The following UPF2 variants were observed in gnomAD, a reference collection of about 807,000 sequenced individuals.
The protein encoded by UPF2 is UPF2 regulator of nonsense mediated mRNA decay.
A neutral mutation model predicts 141.4 loss-of-function variants in UPF2; 17 were observed. The observed-to-expected ratio is 0.12, with a 90% CI of 0.08 to 0.18. UPF2 has a LOEUF of 0.18. Ranked by LOEUF, UPF2 falls within the 10% of genes least tolerant of loss-of-function variation. The probability of loss-of-function intolerance (pLI) is 1.00; values close to 1 mark genes in which losing one functional copy is unlikely to be tolerated. For missense variants in UPF2, 1,152 were observed against 1,515.9 expected (o/e 0.76, Z 3.99); for synonymous variants, 540 against 498.0 (o/e 1.08, Z -1.12).
chr10:11,967,549 T>A, intron 9 of UPF2, 95 bp from the exon 10 acceptor site: 1 of 538,728 alleles, frequency 1.9e-6, no homozygotes, highest in Non-Finnish European at 2.9e-6. Context: ...CACTCCAGTT[T>A]TTTTTTTTTT....
rs906048268 is a variant in UPF2 at position 11,920,976 on chromosome 10, C to G, written c.*322G>C. The G allele has an allele frequency of 1.7e-6, 1 of 599,778 alleles. No homozygotes were observed. The highest frequency in any genetic ancestry group is 1.8e-5 in the African/African-American group (1 of 54,458). The allele number at this position is 599,778 out of a possible 1,614,324, so 37.2% of individuals were successfully genotyped here. A position where few individuals can be genotyped will look rare whatever the true frequency, so the allele number is the denominator to read the frequency against. On this transcript the variant is annotated 3_prime_UTR_variant, in exon 22 of 22. Coordinates refer to ENST00000357604, the MANE Select transcript of UPF2 (RefSeq NM_015542.4). Reference sequence around the variant, plus strand: ...CGTTTCTTCTCTGGCTCAATCATCTCCTTCACGCTCTCCTTGGTGTAACTG... The same window carrying G: ...CGTTTCTTCTCTGGCTCAATCATCTGCTTCACGCTCTCCTTGGTGTAACTG...
chr10:11,981,686 C>CTTTTT (rs35831597), intron 8 of UPF2, among the ~76,000 whole-genome samples: 2 of 151,466 alleles, frequency 1.3e-5, no homozygotes. Flanking sequence ...GTAAGGTACT[C>CTTTTT]TTTTTTTTTT....
intron 3 of UPF2, among the ~76,000 whole-genome samples, chr10:12,021,603 T>C (rs528121340): frequency 3.3e-5 from 5 of 152,098 alleles, no homozygotes; most frequent in African/African-American, 4.8e-5. Context: ...AAGCCTAACA[T>C]AGGAAAGGCA....
rs1050706885 is a variant in UPF2, at chr10:11,980,269, C to T, written c.1845-1104G>A. ...GATTAATCAATGATTCAACACTCAGCAGATCAGACTCTGAAGATGAGAAGT... is the reference window on the plus strand; with the variant it reads ...GATTAATCAATGATTCAACACTCAGTAGATCAGACTCTGAAGATGAGAAGT... On this transcript the variant is annotated intron_variant, in intron 8 of 21. Coordinates refer to ENST00000357604, the MANE Select transcript of UPF2 (RefSeq NM_015542.4). This position sits in a 1 kb window ranked among gnomAD's most constrained non-coding sequence, Gnocchi z 4.2. Among the ~76,000 whole-genome samples, 1 of 152,184 alleles carries T rather than the reference C, an allele frequency of 6.6e-6. No homozygotes were observed. Among genetic ancestry groups the T allele is most frequent in the Non-Finnish European group, 1.5e-5 (1 of 68,038 alleles).
At position 11,925,205 on chromosome 10, in the gene UPF2, T is replaced by C. The variant is rs186828126; in HGVS notation, c.3810-3898A>G. Among the ~76,000 whole-genome samples, 53 of 152,352 alleles carry C rather than the reference T, an allele frequency of 3.5e-4. 1 individual carries two copies. In the East Asian group the frequency reaches 5.8e-3, roughly 17 times the overall value. On this transcript the variant is annotated intron_variant, in intron 21 of 21. Coordinates refer to ENST00000357604, the MANE Select transcript of UPF2 (RefSeq NM_015542.4). ...TTTCCATGTTTGTTCATCTACCATG[T>C]TTATCGCACCTATACTTTAGGAGCA...
chr10:12,029,665 T>G (rs1834481359), intron 2 of UPF2, 141 bp from the exon 3 acceptor site: 1 of 984,560 alleles, frequency 1.0e-6, no homozygotes, highest in Non-Finnish European at 1.4e-6. Context: ...TCACTACTTT[T>G]AAAGACATTT....
chr10:11,932,428 G>A (rs956747339), intron 19 of UPF2, among the ~76,000 whole-genome samples: 16 of 152,008 alleles, frequency 1.1e-4, no homozygotes, highest in Admixed American at 2.0e-4. Context: ...TCTTATTCAC[G>A]TATAAGATTA....
chr10:11,950,964 C>T (rs11257443), intron 15 of UPF2, among the ~76,000 whole-genome samples: 9,347 of 152,184 alleles, frequency 0.061, 379 homozygotes, highest in Non-Finnish European at 0.092. Context: ...GCATAACTGG[C>T]GAAAGTAAAG....
intron 3 of UPF2, among the ~76,000 whole-genome samples, chr10:12,025,805 T>C (rs1834409648): frequency 6.6e-6 from 1 of 152,174 alleles, no homozygotes; most frequent in Admixed American, 6.5e-5. Flanking sequence ...CTATTCAGTT[T>C]TTGTTTCGAG....
Position 11,947,481 on chromosome 10 carries a change from G to A in UPF2, c.3174+888C>T, listed in dbSNP as rs527894030. ...GACTAAAAAGTCCATATTCAACAGCGAGATTAAGATACACAAGAAGTGGGG... is the reference window on the plus strand; with the variant it reads ...GACTAAAAAGTCCATATTCAACAGCAAGATTAAGATACACAAGAAGTGGGG... On this transcript the variant is annotated intron_variant, in intron 16 of 21. Transcript: ENST00000357604. Among the ~76,000 whole-genome samples, 412 of 152,146 alleles carry A rather than the reference G, an allele frequency of 2.7e-3. 4 individuals carry two copies. The highest frequency in any genetic ancestry group is 9.5e-3 in the African/African-American group (394 of 41,514).
intron 4 of UPF2, among the ~76,000 whole-genome samples, chr10:12,012,494 G>A (rs1467111503): frequency 6.6e-6 from 1 of 152,168 alleles, no homozygotes; most frequent in Non-Finnish European, 1.5e-5. Flanking sequence ...CATTTAAAAA[G>A]TTTGGCCAGG....
chr10:11,967,516 T>A, intron 9 of UPF2, 62 bp from the exon 10 acceptor site: 1 of 973,848 alleles, frequency 1.0e-6, no homozygotes, highest in Non-Finnish European at 1.5e-6. Context: ...TGATAAAAAC[T>A]ATTATTTTAA....
At chr10:12,020,230 T>C (rs1834293200) in intron 3 of UPF2, among the ~76,000 whole-genome samples, 1 of 151,868 alleles carries the variant, frequency 6.6e-6, no homozygotes, top group Non-Finnish European at 1.5e-5. Flanking sequence ...TGCTTTGTAT[T>C]ATCCTAAAAA....
chr10:11,956,583 A>C lies in UPF2; in HGVS notation c.2371-60T>G. ...TAAGTACACAGTAGCCTGACCAAAT[A>C]ATACAGAAATTTTGCTATGATTGCG... On this transcript the variant is annotated intron_variant, in intron 12 of 21. Coordinates refer to ENST00000357604, the MANE Select transcript of UPF2 (RefSeq NM_015542.4). This position sits in a 1 kb window ranked among gnomAD's most constrained non-coding sequence, Gnocchi z 4.2. 6.6e-7 allele frequency: 1 copy of C among 1,510,770 alleles called. No individual in the cohort carries two copies. The highest frequency in any genetic ancestry group is 1.2e-5 in the South Asian group (1 of 83,256). 93.6% of individuals were successfully genotyped at this position (1,510,770 alleles called of 1,614,324 possible).
intron 3 of UPF2, among the ~76,000 whole-genome samples, chr10:12,022,948 A>C (rs1834344136): frequency 6.6e-6 from 1 of 152,284 alleles, no homozygotes; most frequent in African/African-American, 2.4e-5. Flanking sequence ...TGTTAGACTA[A>C]GCCTGCAATC....
chr10:11,942,982 C>T (rs878863894), intron 17 of UPF2, 82 bp downstream of exon 17: 2 of 1,105,190 alleles, frequency 1.8e-6, no homozygotes, highest in African/African-American at 3.2e-5. Context: ...TCAAAAGAAA[C>T]AAATTCAGTT....
At position 12,014,599 on chromosome 10, in the gene UPF2, A is replaced by G. The variant is rs1162332524; in HGVS notation, c.1146-415T>C. 4.6e-5 allele frequency among the ~76,000 whole-genome samples: 7 copies of G among 152,242 alleles called. No individual in the cohort carries two copies. The highest frequency in any genetic ancestry group is 2.9e-5 in the Non-Finnish European group (2 of 68,032). On this transcript the variant is annotated intron_variant, in intron 3 of 21. Coordinates refer to ENST00000357604, the MANE Select transcript of UPF2 (RefSeq NM_015542.4). The surrounding 1 kb of genome is among the most constrained non-coding windows in gnomAD (Gnocchi z 5.0). ...TTAAACCTCCATGATTTGAATCAGA[A>G]ATATCATATTTAACAATATATCACA...
At chr10:12,035,667 T>C in intron 1 of UPF2, 1 of 426,080 alleles carries the variant, frequency 2.3e-6, no homozygotes, top group Non-Finnish European at 3.8e-6. Flanking sequence ...TTTTACTTTT[T>C]ATAAGGAAAA....
chr10:12,016,217 A>T lies in UPF2; in HGVS notation c.1146-2033T>A, dbSNP rs188714193. ...GGAAGTGAAAAGTCATTTAAAAAAA[A>T]TTTTTTTTAATTTACTTTTATTTTT... is the stretch of plus-strand genomic sequence containing the variant. On this transcript the variant is annotated intron_variant, in intron 3 of 21. Coordinates refer to ENST00000357604, the MANE Select transcript of UPF2 (RefSeq NM_015542.4). The surrounding 1 kb of genome is among the most constrained non-coding windows in gnomAD (Gnocchi z 4.1). Among the ~76,000 whole-genome samples the T allele has an allele frequency of 0.012, 1,808 of 152,010 alleles. 17 individuals carry two copies. The highest frequency in any genetic ancestry group is 0.039 in the South Asian group (189 of 4,796).
Sources: allele counts gnomAD v4.1 joint callset (sites outside exome capture counted in the v4.1 genomes callset), GRCh38; gene constraint gnomAD v4.1.1; non-coding constraint Gnocchi (gnomAD v3.1); transcripts MANE v1.5; gene names NCBI Gene and HGNC (gene_info 2026-07-23, HGNC 2026-07-21).